NELL1: variants seen among roughly 807,000 people sequenced by gnomAD.
NELL1 encodes protein kinase C-binding protein NELL1.
Under a neutral mutation model 107.4 loss-of-function variants are expected in NELL1, and 76 were observed. That is an observed-to-expected ratio of 0.71 (90% CI 0.59 to 0.86). The LOEUF (loss-of-function observed/expected upper bound fraction) is 0.86. Among genes scored for constraint, NELL1 ranks in the 40% least tolerant of loss-of-function variants. NELL1 has a pLI of 0.00. For missense variants in NELL1, 1,024 were observed against 1,005.5 expected (o/e 1.02, Z -0.25); for synonymous variants, 353 against 341.2 (o/e 1.03, Z -0.38).
chr11:21,283,253 G>A (rs1024578206), intron 14 of NELL1, among the ~76,000 whole-genome samples: 48 of 152,120 alleles, frequency 3.2e-4, no homozygotes, highest in Non-Finnish European at 6.9e-4. Flanking sequence ...TGCATTGCAT[G>A]CCTGTATCGA....
chr11:21,140,430 A>C (rs1309601639), intron 13 of NELL1, among the ~76,000 whole-genome samples: 1 of 152,180 alleles, frequency 6.6e-6, no homozygotes, highest in Non-Finnish European at 1.5e-5. Context: ...ATTGTATTGG[A>C]ACTGTTAGAT....
At chr11:21,041,220 G>A (rs1853222271) in intron 12 of NELL1, among the ~76,000 whole-genome samples, 1 of 152,150 alleles carries the variant, frequency 6.6e-6, no homozygotes, top group African/African-American at 2.4e-5. Flanking sequence ...ATGACTCTCA[G>A]CAAGTCTCTC....
intron 14 of NELL1, among the ~76,000 whole-genome samples, chr11:21,294,313 C>T (rs4923521): frequency 0.031 from 4,776 of 152,038 alleles, 91 homozygotes; most frequent in East Asian, 0.069. Flanking sequence ...AAAAAGTTGT[C>T]GAACTAGTCT....
intron 15 of NELL1, among the ~76,000 whole-genome samples, chr11:21,528,581 T>C (rs1370475866): frequency 7.5e-6 from 1 of 133,248 alleles, no homozygotes; most frequent in Admixed American, 8.9e-5. Context: ...TGCAGCTACC[T>C]AATCTTGGAC....
intron 14 of NELL1, among the ~76,000 whole-genome samples, chr11:21,266,968 T>C (rs559866560): frequency 1.3e-5 from 2 of 152,138 alleles, no homozygotes; most frequent in Non-Finnish European, 2.9e-5. Context: ...CTCATAATTC[T>C]TAGCCTATTT....
rs528557149 is a variant in NELL1, at chr11:20,899,798, CAGT to C, written c.603+14263_603+14265del. 2.8e-3 allele frequency among the ~76,000 whole-genome samples: 421 copies of C among 152,140 alleles called. 2 individuals carry two copies. The highest frequency in any genetic ancestry group is 9.6e-3 in the African/African-American group (400 of 41,542). ...ACAATAAATGCTGCAAAAATTAAAACAGTAGTAACCATTTGTTAACAACTTTAT... is the reference window on the plus strand; with the variant it reads ...ACAATAAATGCTGCAAAAATTAAAACAGTAACCATTTGTTAACAACTTTAT... On this transcript the variant is annotated intron_variant, in intron 5 of 19. Transcript: ENST00000357134.
intron 13 of NELL1, among the ~76,000 whole-genome samples, chr11:21,165,916 G>A (rs566414005): frequency 3.6e-4 from 54 of 151,272 alleles, no homozygotes; most frequent in African/African-American, 1.1e-3. Context: ...TACAACACCC[G>A]GCTGATTTTT....
intron 12 of NELL1, among the ~76,000 whole-genome samples, chr11:21,008,442 T>C (rs1852375971): frequency 6.6e-6 from 1 of 152,184 alleles, no homozygotes; most frequent in Non-Finnish European, 1.5e-5. Context: ...TCTTAATGTC[T>C]GAATGTTTCA....
At chr11:21,126,337 G>C (rs952780839) in intron 13 of NELL1, among the ~76,000 whole-genome samples, 3 of 149,582 alleles carry the variant, frequency 2.0e-5, no homozygotes, top group Non-Finnish European at 3.0e-5. Context: ...AGCACCTACT[G>C]TTGTCCAAAA....
At chr11:21,113,822 A>C in intron 13 of NELL1, 108 bp downstream of exon 13, 1 of 1,167,546 alleles carries the variant, frequency 8.6e-7, no homozygotes, top group Non-Finnish European at 1.2e-6. Context: ...TTATCTAAAT[A>C]GTTCTTCTCT....
At chr11:21,088,905 A>T (rs1356729795) in intron 12 of NELL1, among the ~76,000 whole-genome samples, 1 of 152,204 alleles carries the variant, frequency 6.6e-6, no homozygotes, top group Non-Finnish European at 1.5e-5. Flanking sequence ...GAGATCAATT[A>T]TATGGGTAGC....
chr11:21,447,193 G>A, intron 15 of NELL1, among the ~76,000 whole-genome samples: 1 of 152,122 alleles, frequency 6.6e-6, no homozygotes. Context: ...CTGGCCCAGG[G>A]AATGTCCGGA....
intron 3 of NELL1, among the ~76,000 whole-genome samples, chr11:20,835,549 G>T (rs776860816): frequency 2.0e-5 from 3 of 152,100 alleles, no homozygotes; most frequent in Non-Finnish European, 4.4e-5. Flanking sequence ...GTATAAGAAA[G>T]TTTTCTTATT....
intron 14 of NELL1, among the ~76,000 whole-genome samples, chr11:21,302,591 T>A (rs762313307): frequency 6.6e-6 from 1 of 152,046 alleles, no homozygotes; most frequent in African/African-American, 2.4e-5. Context: ...TGCCTTTAGA[T>A]AGAAATGTAG....
intron 14 of NELL1, among the ~76,000 whole-genome samples, chr11:21,233,389 T>C (rs139892317): frequency 1.6e-3 from 239 of 152,276 alleles, no homozygotes; most frequent in African/African-American, 5.5e-3. Context: ...TTCCCTCCCT[T>C]TCCTCCTTTT....
intron 12 of NELL1, among the ~76,000 whole-genome samples, chr11:20,987,703 G>A (rs190573708): frequency 1.4e-3 from 211 of 152,246 alleles, no homozygotes; most frequent in Non-Finnish European, 2.7e-3. Context: ...GATGAGATTT[G>A]GGTGGGGACA....
intron 15 of NELL1, among the ~76,000 whole-genome samples, chr11:21,450,527 GATGA>G (rs1853551546): frequency 6.6e-6 from 1 of 152,170 alleles, no homozygotes; most frequent in Non-Finnish European, 1.5e-5. Flanking sequence ...TTGCAATCTG[GATGA>G]AAATTAGAAA....
At chr11:21,569,218 A>G (rs1284321602) in intron 17 of NELL1, among the ~76,000 whole-genome samples, 2 of 151,890 alleles carry the variant, frequency 1.3e-5, no homozygotes, top group Non-Finnish European at 2.9e-5. Flanking sequence ...TTTATTGAAA[A>G]AAAAGCCTGC....
At chr11:21,380,010 C>G (rs1245726213) in intron 15 of NELL1, among the ~76,000 whole-genome samples, 3 of 152,066 alleles carry the variant, frequency 2.0e-5, no homozygotes, top group Non-Finnish European at 4.4e-5. Context: ...TATTTCCTCT[C>G]CAGTTATCAC....
Sources: gnomAD v4.1 joint callset for allele counts (sites outside exome capture counted in the v4.1 genomes callset) on GRCh38, gnomAD v4.1.1 for gene constraint, MANE v1.5 for transcripts, NCBI Gene and HGNC (gene_info 2026-07-23, HGNC 2026-07-21) for gene names.